CCDC112: variants seen among roughly 807,000 people sequenced by gnomAD.
CCDC112 encodes the protein coiled-coil domain-containing protein 112.
In CCDC112, 40 loss-of-function variants were observed where a neutral mutation model predicts 66.3. The ratio of observed to expected loss-of-function variants is 0.60; its 90% confidence interval spans 0.47 to 0.79. CCDC112 has a LOEUF of 0.79. Ranked by LOEUF, CCDC112 falls within the 30% of genes least tolerant of loss-of-function variation. The probability of loss-of-function intolerance (pLI) is 0.00; values close to 1 mark genes in which losing one functional copy is unlikely to be tolerated. For synonymous variants in CCDC112, 214 were observed against 197.2 expected (o/e 1.09, Z -0.71); for missense variants, 659 against 603.8 (o/e 1.09, Z -0.96).
intron 9 of CCDC112, among the ~76,000 whole-genome samples, chr5:115,268,659 A>C (rs1452578926): frequency 1.4e-5 from 2 of 147,902 alleles, no homozygotes; most frequent in East Asian, 3.9e-4. Flanking sequence ...TATATGAAAA[A>C]ATATGTATAT....
rs1296127527 is a variant in CCDC112 at position 115,296,430 on chromosome 5, T to C, written c.114A>G (p.Gln38=). The change falls in exon 1 of 10, where the codon CAA becomes CAG. Residue 38 remains glutamine, a synonymous_variant. Coordinates refer to ENST00000379611, the MANE Select transcript of CCDC112 (RefSeq NM_001040440.3). The stretch of plus-strand genomic sequence containing the variant: ...CTCTCGGTTCTCCCGGATTTACCTG[T>C]TGAGGCGCTGGCGTCGCTCCCACGC... ...GTGVGATPAP[Q]QSDGCFSTSG... is the part of the protein sequence containing the mutation. 6.4e-7 allele frequency: 1 copy of C among 1,568,180 alleles called. No homozygotes were observed. Among genetic ancestry groups the C allele is most frequent in the Non-Finnish European group, 8.6e-7 (1 of 1,165,438 alleles).
At chr5:115,283,627 T>TG (rs1371199344) in intron 2 of CCDC112, among the ~76,000 whole-genome samples, 5 of 151,996 alleles carry the variant, frequency 3.3e-5, no homozygotes, top group Admixed American at 2.0e-4. Context: ...TCAATAAAAG[T>TG]GGGGGAAAAG....
intron 1 of CCDC112, among the ~76,000 whole-genome samples, chr5:115,289,588 C>G (rs1749833766): frequency 6.6e-6 from 1 of 152,176 alleles, no homozygotes; most frequent in Admixed American, 6.5e-5. Context: ...CAAATAAAAG[C>G]CAATTCGATC....
chr5:115,275,159 A>AGTACAGT, intron 6 of CCDC112, 57 bp downstream of exon 6: 2 of 1,301,284 alleles, frequency 1.5e-6, no homozygotes, highest in South Asian at 2.9e-5. Flanking sequence ...TTAAGTGTTT[A>AGTACAGT]GTACAGTGCC....
chr5:115,271,939 T>A (rs1749019724), intron 6 of CCDC112, among the ~76,000 whole-genome samples: 1 of 151,396 alleles, frequency 6.6e-6, no homozygotes, highest in African/African-American at 2.4e-5. Flanking sequence ...TTTTTTTTTT[T>A]TTGAGACGGA....
intron 1 of CCDC112, among the ~76,000 whole-genome samples, chr5:115,294,228 T>C (rs1003996484): frequency 6.6e-6 from 1 of 152,230 alleles, no homozygotes; most frequent in Non-Finnish European, 1.5e-5. Context: ...GACACTGTGA[T>C]GGACTGAATT....
chr5:115,279,100 T>C (rs1235166288), intron 3 of CCDC112, among the ~76,000 whole-genome samples: 3 of 152,256 alleles, frequency 2.0e-5, no homozygotes, highest in East Asian at 3.9e-4. Flanking sequence ...ATCTATAAGG[T>C]ACATTTTTAT....
Position 115,275,232 on chromosome 5 carries a change from T to A in CCDC112, c.902A>T (p.Glu301Val). Residue 301 changes from glutamate to valine, a missense_variant, in exon 6 of 10, where the codon GAA (glutamate) becomes GTA (valine). By Grantham distance (121) the Glu-to-Val change is moderately radical (BLOSUM62 -2). Coordinates refer to ENST00000379611, the MANE Select transcript of CCDC112 (RefSeq NM_001040440.3). ...EKWYQKFLALEERKKESIQIW... is the reference protein window; with the variant it reads ...EKWYQKFLALVERKKESIQIW... ...AATTATTACCTCTTTTTTTCTTTCTTCTAGAGCCAGAAACTTTTGATACCA... is the reference window on the plus strand; with the variant it reads ...AATTATTACCTCTTTTTTTCTTTCTACTAGAGCCAGAAACTTTTGATACCA... The A allele has an allele frequency of 6.2e-7, 1 of 1,609,036 alleles. No individual in the cohort carries two copies.
chr5:115,269,003 G>T lies in CCDC112; in HGVS notation c.1429-3C>A. ...TCTCTACTAACATTGTTTTCAACCT[G>T]TAATCAGAAGTAAAATAGTACCAGT... is the stretch of plus-strand genomic sequence containing the variant. On this transcript the variant is annotated splice_polypyrimidine_tract_variant and splice_region_variant and intron_variant, in intron 8 of 9. Transcript: ENST00000379611. The T allele has an allele frequency of 1.3e-6, 2 of 1,519,596 alleles. No individual in the cohort carries two copies. The highest frequency in any genetic ancestry group is 1.8e-6 in the Non-Finnish European group (2 of 1,109,972). 94.1% of individuals were successfully genotyped at this position (1,519,596 alleles called of 1,614,324 possible).
intron 1 of CCDC112, among the ~76,000 whole-genome samples, chr5:115,289,982 C>G (rs896061225): frequency 2.5e-4 from 38 of 152,196 alleles, no homozygotes; most frequent in African/African-American, 8.7e-4. Flanking sequence ...TGCACGTGGC[C>G]TAAAGCACAA....
intron 3 of CCDC112, 64 bp from the exon 4 acceptor site, chr5:115,277,118 C>A: frequency 1.1e-6 from 1 of 948,718 alleles, no homozygotes; most frequent in Non-Finnish European, 1.7e-6. Context: ...ATTCAGGAAT[C>A]TACATGTAAG....
At chr5:115,290,442 T>C (rs1749874000) in intron 1 of CCDC112, among the ~76,000 whole-genome samples, 2 of 152,232 alleles carry the variant, frequency 1.3e-5, no homozygotes, top group South Asian at 2.1e-4. Context: ...TTTTCAAGAT[T>C]GTTTTGGCTA....
Position 115,275,143 on chromosome 5 carries a change from G to C in CCDC112, c.918+73C>G, listed in dbSNP as rs535656097. 43 of 1,123,932 alleles carry C rather than the reference G, an allele frequency of 3.8e-5. No homozygotes were observed. In the African/African-American group the frequency reaches 6.6e-4, roughly 17 times the overall value. The allele number at this position is 1,123,932 out of a possible 1,614,324, so 69.6% of individuals were successfully genotyped here. A position where few individuals can be genotyped will look rare whatever the true frequency, so the allele number is the denominator to read the frequency against. On this transcript the variant is annotated intron_variant, in intron 6 of 9. Coordinates refer to ENST00000379611, the MANE Select transcript of CCDC112 (RefSeq NM_001040440.3). ...CATGGGATTGCTGTAAAGTTAATGAGACATGTTAAGTGTTTAGTACAGTGC... is the reference window on the plus strand; with the variant it reads ...CATGGGATTGCTGTAAAGTTAATGACACATGTTAAGTGTTTAGTACAGTGC...
chr5:115,282,268 A>G (rs184947458), intron 2 of CCDC112, among the ~76,000 whole-genome samples: 97 of 152,324 alleles, frequency 6.4e-4, no homozygotes, highest in African/African-American at 2.2e-3. Context: ...AAAGTACAGA[A>G]TGGTAAATTG....
Position 115,275,299 on chromosome 5 carries a change from G to C in CCDC112, c.835C>G (p.Leu279Val). The C allele has an allele frequency of 6.2e-7, 1 of 1,613,880 alleles. No individual in the cohort carries two copies. The highest frequency in any genetic ancestry group is 8.5e-7 in the Non-Finnish European group (1 of 1,179,942). The change falls in exon 6 of 10, where the codon CTT (leucine) becomes GTT (valine). Residue 279 changes from leucine (L) to valine (V), a missense_variant. Coordinates refer to ENST00000379611, the MANE Select transcript of CCDC112 (RefSeq NM_001040440.3). ...ACTTCATCTTGTGTTTTTCCAGGAA[G>C]GTGTTCTAGAACTTCTTCCATAAAT... ...PTFMEEVLEH[L>V]PGKTQDEVQQ...
intron 2 of CCDC112, 112 bp from the exon 3 acceptor site, chr5:115,279,880 G>C (rs1749378300): frequency 1.6e-6 from 1 of 631,676 alleles, no homozygotes; most frequent in Admixed American, 3.3e-5. Context: ...TTCATCTATG[G>C]AATAAAAATA....
Position 115,267,755 on chromosome 5 carries a change from A to C in CCDC112, c.*121T>G. Reference sequence around the variant, plus strand: ...GAAACTTAATACCTCTCAATTCACAATATAGCACAATAATCAATCTGACTA... The same window carrying C: ...GAAACTTAATACCTCTCAATTCACACTATAGCACAATAATCAATCTGACTA... On this transcript the variant is annotated 3_prime_UTR_variant, in exon 10 of 10. Coordinates refer to ENST00000379611, the MANE Select transcript of CCDC112 (RefSeq NM_001040440.3). 3.7e-6 allele frequency: 3 copies of C among 814,904 alleles called. No individual in the cohort carries two copies. Among genetic ancestry groups the C allele is most frequent in the Non-Finnish European group, 6.3e-6 (3 of 473,508 alleles). 50.5% of individuals were successfully genotyped at this position (814,904 alleles called of 1,614,324 possible).
chr5:115,269,137 T>A (rs1748896192), intron 8 of CCDC112, 137 bp from the exon 9 acceptor site: 15 of 470,130 alleles, frequency 3.2e-5, no homozygotes, highest in Non-Finnish European at 5.7e-5. Flanking sequence ...TCAGTAAACT[T>A]CTCATTGGGC....
At chr5:115,270,237 A>C (rs11950355) in intron 7 of CCDC112, among the ~76,000 whole-genome samples, 47,543 of 151,988 alleles carry the variant, frequency 0.31, 7,842 homozygotes, top group Middle Eastern at 0.53. Context: ...AACTAAAAGA[A>C]ATGAACTAAA....
Sources: allele counts gnomAD v4.1 joint callset (sites outside exome capture counted in the v4.1 genomes callset), GRCh38; gene constraint gnomAD v4.1.1; transcripts MANE v1.5; gene names NCBI Gene and HGNC (gene_info 2026-07-23, HGNC 2026-07-21).